Variants in CYP4F8 observed in about 807,000 individuals in gnomAD.
CYP4F8 encodes cytochrome P450 4F8.
Under a neutral mutation model 55.0 loss-of-function variants are expected in CYP4F8, and 56 were observed. The ratio of observed to expected loss-of-function variants is 1.02; its 90% CI spans 0.82 to 1.27. CYP4F8 has a LOEUF of 1.27. CYP4F8 is among the 50% of genes most tolerant of loss of function. CYP4F8 has a pLI of 0.00. For missense variants in CYP4F8, 680 were observed against 682.4 expected, an observed-to-expected ratio of 1.00 and a Z score of 0.04; for synonymous variants, 288 against 267.3, an observed-to-expected ratio of 1.08 and a Z score of -0.76.
At chr19:15,623,072 G>A in intron 6 of CYP4F8, 33 bp from the exon 7 acceptor site, 1 of 1,598,128 alleles carries the variant, frequency 6.3e-7, no homozygotes, top group Non-Finnish European at 8.5e-7. Flanking sequence ...TGTGGGTAAG[G>A]AGCTGCTTCC....
Position 15,619,417 on chromosome 19 carries a change from G to A in CYP4F8, c.344-73G>A, listed in dbSNP as rs150919384. ...GAAAAGACGTCCAAACCTCTGGCTG[G>A]GAGCCACCCTCCATACCCAAAGTCC... On this transcript the variant is annotated intron_variant, in intron 3 of 12. Coordinates refer to ENST00000612078, the MANE Select transcript of CYP4F8 (RefSeq NM_007253.4). 8.0e-4 allele frequency: 1,261 copies of A among 1,577,142 alleles called. 16 individuals carry two copies. The South Asian group carries it at 0.013, about 16-fold the overall frequency.
At position 15,629,701 on chromosome 19, in the gene CYP4F8, A is replaced by G. The variant is rs1243855414; in HGVS notation, c.*343A>G. On this transcript the variant is annotated 3_prime_UTR_variant, in exon 13 of 13. Coordinates refer to ENST00000612078, the MANE Select transcript of CYP4F8 (RefSeq NM_007253.4). ...GAATCCCTGTTTTTTAGCTAGGTGC[A>G]TAGCAGCCTGAAATACAGATCACAT... 5 of 226,828 alleles carry G rather than the reference A, an allele frequency of 2.2e-5. No homozygotes were observed. The highest frequency in any genetic ancestry group is 2.1e-4 in the Admixed American group (4 of 19,152). The allele number at this position is 226,828 out of a possible 1,614,324, so 14.1% of individuals were successfully genotyped here. A position where few individuals can be genotyped will look rare whatever the true frequency, so the allele number is the denominator to read the frequency against.
chr19:15,625,958 G>T (rs1972257027), intron 9 of CYP4F8, among the ~76,000 whole-genome samples: 1 of 152,076 alleles, frequency 6.6e-6, no homozygotes, highest in Admixed American at 6.6e-5. Flanking sequence ...ATGTTGTGCT[G>T]GTTCTTACCT....
chr19:15,628,367 C>T lies in CYP4F8; in HGVS notation c.1181C>T (p.Pro394Leu), dbSNP rs1229418280. 1 of 1,614,104 alleles carries T rather than the reference C, an allele frequency of 6.2e-7. No homozygotes were observed. Residue 394 changes from proline to leucine, a missense_variant, in exon 10 of 13, where the codon CCA becomes CTA. Coordinates refer to ENST00000612078, the MANE Select transcript of CYP4F8 (RefSeq NM_007253.4). ...CLKESLRLHP[P>L]IPTFARGCTQ... ...AAGGAGAGCCTGCGGTTGCATCCCCCAATCCCTACATTCGCCCGCGGCTGC... is the reference window on the plus strand; with the variant it reads ...AAGGAGAGCCTGCGGTTGCATCCCCTAATCCCTACATTCGCCCGCGGCTGC...
In CYP4F8 at chr19:15,623,180, G is replaced by A. The variant is rs561895294; in HGVS notation, c.723G>A (p.Arg241=). 4.3e-6 allele frequency: 7 copies of A among 1,613,900 alleles called. No individual in the cohort carries two copies. Among genetic ancestry groups the A allele is most frequent in the Admixed American group, 3.3e-5 (2 of 59,998 alleles). The change falls in exon 7 of 13, where the codon CGG becomes CGA. Residue 241 remains arginine, a synonymous_variant. Transcript: ENST00000612078. ...LVVKRNNQFF[R]YKDFLYFLTP... ...TGAAACGGAATAACCAGTTCTTCCGGTACAAGGACTTCCTGTACTTCCTCA... is the reference window on the plus strand; with the variant it reads ...TGAAACGGAATAACCAGTTCTTCCGATACAAGGACTTCCTGTACTTCCTCA...
chr19:15,622,337 A>G lies in CYP4F8; in HGVS notation c.644A>G (p.Gln215Arg). The change falls in exon 6 of 13, where the codon CAG becomes CGG. Residue 215 changes from glutamine (Q) to arginine (R), a missense_variant. Transcript: ENST00000612078. ...KCIFSFDSNCQEKPSEYITAI... is the reference protein window; with the variant it reads ...KCIFSFDSNCREKPSEYITAI... The stretch of plus-strand genomic sequence containing the variant: ...ATCTTCAGCTTTGACAGCAATTGTC[A>G]GGAGTGAGTTCTTGCCCAGGGCCTG... 1 of 1,463,780 alleles carries G rather than the reference A, an allele frequency of 6.8e-7. No individual in the cohort carries two copies. The highest frequency in any genetic ancestry group is 9.2e-7 in the Non-Finnish European group (1 of 1,088,350). The allele number at this position is 1,463,780 out of a possible 1,614,324, so 90.7% of individuals were successfully genotyped here. A position where few individuals can be genotyped will look rare whatever the true frequency, so the allele number is the denominator to read the frequency against.
At chr19:15,628,228 G>A (rs1245579379) in intron 9 of CYP4F8, 74 bp from the exon 10 acceptor site, 5 of 1,599,030 alleles carry the variant, frequency 3.1e-6, no homozygotes, top group African/African-American at 1.3e-5. Context: ...GTCAGAGGGA[G>A]GTGGTGAGAG....
Position 15,628,559 on chromosome 19 carries a change from A to G in CYP4F8, c.1278A>G (p.Ala426=). The G allele has an allele frequency of 1.2e-6, 2 of 1,613,806 alleles. No individual in the cohort carries two copies. Among genetic ancestry groups the G allele is most frequent in the Non-Finnish European group, 1.7e-6 (2 of 1,179,822 alleles). The change falls in exon 11 of 13, where the codon GCA becomes GCG. Residue 426 remains alanine (A), a synonymous_variant. Coordinates refer to ENST00000612078, the MANE Select transcript of CYP4F8 (RefSeq NM_007253.4). Reference sequence around the variant, plus strand: ...ATGTCTGTAACATCAACATCTTCGCAATCCATCACAACCCCTCAGTCTGGC... The same window carrying G: ...ATGTCTGTAACATCAACATCTTCGCGATCCATCACAACCCCTCAGTCTGGC... ...KGNVCNINIF[A]IHHNPSVWPD...
In CYP4F8 at chr19:15,624,014, G is replaced by C. The variant is rs1314678350; in HGVS notation, c.1035G>C (p.Ala345=). 1.9e-6 allele frequency: 3 copies of C among 1,614,160 alleles called. No homozygotes were observed. The highest frequency in any genetic ancestry group is 2.5e-6 in the Non-Finnish European group (3 of 1,180,026). The change falls in exon 9 of 13, where the codon GCG becomes GCC. Residue 345 remains alanine (A), a synonymous_variant. Coordinates refer to ENST00000612078, the MANE Select transcript of CYP4F8 (RefSeq NM_007253.4). The part of the protein sequence containing the change: ...SGLSWVLYNL[A]RHPEYQERCR... ...TCTCCTGGGTCTTGTACAACCTCGCGAGGCACCCAGAATACCAAGAACGCT... is the reference window on the plus strand; with the variant it reads ...TCTCCTGGGTCTTGTACAACCTCGCCAGGCACCCAGAATACCAAGAACGCT...
At chr19:15,620,657 G>A (rs991495188) in intron 5 of CYP4F8, among the ~76,000 whole-genome samples, 24 of 152,290 alleles carry the variant, frequency 1.6e-4, no homozygotes, top group African/African-American at 5.3e-4. Flanking sequence ...CTCACAAAAT[G>A]CTGGAATTAC....
intron 3 of CYP4F8, chr19:15,618,870 TG>T (rs1972157285): frequency 5.7e-6 from 1 of 175,360 alleles, no homozygotes; most frequent in South Asian, 1.3e-4. Context: ...CACCCCAGCC[TG>T]GAGCCGTACC....
intron 11 of CYP4F8, 38 bp downstream of exon 11, chr19:15,628,633 G>A (rs374082162): frequency 2.5e-6 from 4 of 1,609,638 alleles, no homozygotes; most frequent in Non-Finnish European, 2.5e-6. Flanking sequence ...CCCGGGCCTG[G>A]TCGGGGGAGG....
Position 15,628,240 on chromosome 19 carries a change from G to T in CYP4F8, c.1116-62G>T, listed in dbSNP as rs561560007. On this transcript the variant is annotated intron_variant, in intron 9 of 12. Transcript: ENST00000612078. Reference sequence around the variant, plus strand: ...AGGGTCAGAGGGAGGTGGTGAGAGGGTCTCCAGGGGCAGCAGGAGGGCCGT... The same window carrying T: ...AGGGTCAGAGGGAGGTGGTGAGAGGTTCTCCAGGGGCAGCAGGAGGGCCGT... The T allele has an allele frequency of 1.9e-6, 3 of 1,608,852 alleles. No homozygotes were observed. In the East Asian group the frequency reaches 6.7e-5, roughly 36 times the overall value.
chr19:15,619,814 A>G, intron 5 of CYP4F8, 52 bp downstream of exon 5: 2 of 1,598,988 alleles, frequency 1.3e-6, no homozygotes, highest in Non-Finnish European at 8.5e-7. Flanking sequence ...TGGAGGGATC[A>G]CATACAATTG....
At chr19:15,625,486 G>A (rs1190753544) in intron 9 of CYP4F8, among the ~76,000 whole-genome samples, 1 of 150,390 alleles carries the variant, frequency 6.6e-6, no homozygotes, top group Non-Finnish European at 1.5e-5. Context: ...CCTATCTTAG[G>A]CATGTATGTA....
At chr19:15,625,509 T>C (rs1005209432) in intron 9 of CYP4F8, among the ~76,000 whole-genome samples, 42 of 151,710 alleles carry the variant, frequency 2.8e-4, no homozygotes, top group Non-Finnish European at 5.7e-4. Context: ...TATATGGTTT[T>C]ATTTGTTGCC....
intron 12 of CYP4F8, 47 bp downstream of exon 12, chr19:15,628,890 A>C: frequency 1.3e-6 from 2 of 1,528,606 alleles, no homozygotes; most frequent in Non-Finnish European, 1.8e-6. Flanking sequence ...AGGGTGGCAC[A>C]GATGGCTGCC....
At position 15,628,412 on chromosome 19, in the gene CYP4F8, C is replaced by T; in HGVS notation, c.1226C>T (p.Pro409Leu). 6.2e-7 allele frequency: 1 copy of T among 1,614,148 alleles called. No individual in the cohort carries two copies. The highest frequency in any genetic ancestry group is 1.1e-5 in the South Asian group (1 of 91,080). Reference protein sequence around the residue: ...ARGCTQDVVLPDSRVIPKGNV... With the variant: ...ARGCTQDVVLLDSRVIPKGNV... ...GGCTGCACCCAGGACGTGGTGCTCC[C>T]AGACAGCCGAGTCATCCCCAAAGGT... The change falls in exon 10 of 13, where the codon CCA becomes CTA. Residue 409 changes from proline (P) to leucine (L), a missense_variant. Transcript: ENST00000612078.
intron 6 of CYP4F8, chr19:15,622,851 G>T: frequency 1.9e-6 from 1 of 539,814 alleles, no homozygotes. Context: ...GGGCAGATTT[G>T]GGAGAAACTG....
Sources: gnomAD v4.1 joint callset for allele counts (sites outside exome capture counted in the v4.1 genomes callset) on GRCh38, gnomAD v4.1.1 for gene constraint, MANE v1.5 for transcripts, NCBI Gene and HGNC (gene_info 2026-07-23, HGNC 2026-07-21) for gene names.